The following ATG9B variants were observed in gnomAD, a reference collection of about 807,000 sequenced individuals.
The protein encoded by ATG9B is autophagy-related protein 9B.
A neutral mutation model predicts 92.9 loss-of-function variants in ATG9B; 92 were observed. The ratio of observed to expected loss-of-function variants is 0.99; its 90% CI spans 0.84 to 1.18. The LOEUF (loss-of-function observed/expected upper bound fraction) is 1.18. Ranked by LOEUF, ATG9B falls within the 50% of genes most tolerant of loss-of-function variation. The probability of loss-of-function intolerance (pLI) is 0.00; values close to 1 mark genes in which losing one functional copy is unlikely to be tolerated. For synonymous variants in ATG9B, 599 were observed against 551.4 expected (o/e 1.09, Z -1.21); for missense variants, 1,344 against 1,235.0 (o/e 1.09, Z -1.32).
rs1167535525 is a variant in ATG9B at position 151,023,490 on chromosome 7, C to T, written c.614G>A (p.Arg205Gln). ...FFTKIYSYHQ[R>Q]NGFACILLED... is the part of the protein sequence containing the mutation. Reference sequence around the variant, plus strand: ...CAGCAAGATGCAGGCAAAGCCATTCCGCTGGTGGTAGCTGTAGATGTGGCT... The same window carrying T: ...CAGCAAGATGCAGGCAAAGCCATTCTGCTGGTGGTAGCTGTAGATGTGGCT... Residue 205 changes from arginine to glutamine, a missense_variant, in exon 3 of 14, where the codon CGG becomes CAG. Coordinates refer to ENST00000639579, the MANE Select transcript of ATG9B (RefSeq NM_001317056.2). The T allele has an allele frequency of 5.6e-6, 9 of 1,612,758 alleles. No individual in the cohort carries two copies. Among genetic ancestry groups the T allele is most frequent in the African/African-American group, 2.7e-5 (2 of 74,996 alleles).
At chr7:151,022,936 A>G in intron 4 of ATG9B, 109 bp downstream of exon 4, 1 of 1,457,222 alleles carries the variant, frequency 6.9e-7, no homozygotes, top group Non-Finnish European at 9.4e-7. Flanking sequence ...CTAAGACCAA[A>G]AGCTTTGAGA....
downstream of ATG9B, chr7:151,014,003 G>T: frequency 1.2e-6 from 2 of 1,611,842 alleles, no homozygotes. Context: ...GCTCTTTTCC[G>T]ACAGGATCAG....
chr7:151,024,221 G>A lies in ATG9B; in HGVS notation c.203C>T (p.Pro68Leu), dbSNP rs1795868859. 6.7e-7 allele frequency: 1 copy of A among 1,486,036 alleles called. No homozygotes were observed. The highest frequency in any genetic ancestry group is 9.0e-7 in the Non-Finnish European group (1 of 1,116,170). 92.1% of individuals were successfully genotyped at this position (1,486,036 alleles called of 1,614,324 possible). A position where few individuals can be genotyped will look rare whatever the true frequency, so the allele number is the denominator to read the frequency against. Residue 68 changes from proline to leucine, a missense_variant, in exon 1 of 14, where the codon CCT becomes CTT. By Grantham distance (98) the Pro-to-Leu change is moderately conservative (BLOSUM62 -3). Transcript: ENST00000639579. ...HTRSSPSSFS[P>L]PTAGPPCSVL... is the part of the protein sequence containing the mutation. ...TGAGCAAGGGGGCCCTGCGGTGGGAGGGGAAAATGAGGAGGGGGAGCTTCT... is the reference window on the plus strand; with the variant it reads ...TGAGCAAGGGGGCCCTGCGGTGGGAAGGGAAAATGAGGAGGGGGAGCTTCT...
At chr7:151,019,680 G>A (rs1210828410) in intron 5 of ATG9B, among the ~76,000 whole-genome samples, 1 of 152,150 alleles carries the variant, frequency 6.6e-6, no homozygotes, top group Non-Finnish European at 1.5e-5. Context: ...GCTGGACCTG[G>A]CTTCTCAGCT....
At chr7:151,022,845 A>G (rs902968590) in intron 4 of ATG9B, among the ~76,000 whole-genome samples, 200 bp downstream of exon 4, 9 of 152,172 alleles carry the variant, frequency 5.9e-5, no homozygotes. Context: ...TTAAAAAAAA[A>G]AAAAGATATA....
chr7:151,018,064 G>A lies in ATG9B; in HGVS notation c.1873-14C>T, dbSNP rs1311363120. On this transcript the variant is annotated splice_polypyrimidine_tract_variant and intron_variant, in intron 7 of 13. Coordinates refer to ENST00000639579, the MANE Select transcript of ATG9B (RefSeq NM_001317056.2). This position sits in a 1 kb window ranked among gnomAD's most constrained non-coding sequence, Gnocchi z 4.7. ...CAGGAGGGAGACCTGGGGAAGCAGC[G>A]GTGAGGCTGAGCAGGGGTCGCTGAG... The A allele has an allele frequency of 1.9e-6, 3 of 1,565,944 alleles. No individual in the cohort carries two copies. Among genetic ancestry groups the A allele is most frequent in the East Asian group, 2.3e-5 (1 of 42,758 alleles).
At chr7:151,017,603 C>G (rs147611122) in intron 8 of ATG9B, among the ~76,000 whole-genome samples, 10 of 152,298 alleles carry the variant, frequency 6.6e-5, no homozygotes, top group African/African-American at 2.4e-4. Flanking sequence ...CTCCCATTTA[C>G]TGACGTTACT....
chr7:151,016,337 G>A, intron 11 of ATG9B, 94 bp downstream of exon 11: 1 of 1,505,556 alleles, frequency 6.6e-7, no homozygotes, highest in East Asian at 2.5e-5. Flanking sequence ...CTGCCACTCT[G>A]CTAGACCCTT....
intron 12 of ATG9B, 42 bp from the exon 13 acceptor site, chr7:151,016,065 A>G: frequency 6.5e-7 from 1 of 1,548,308 alleles, no homozygotes; most frequent in East Asian, 2.4e-5. Flanking sequence ...CATGATGCCC[A>G]GTGTCCACCA....
At position 151,019,377 on chromosome 7, in the gene ATG9B, G is replaced by A. The variant is rs756097184; in HGVS notation, c.964-3C>T. 5 of 1,515,412 alleles carry A rather than the reference G, an allele frequency of 3.3e-6. No homozygotes were observed. The East Asian group carries it at 1.1e-4, about 35-fold the overall frequency. 93.9% of individuals were successfully genotyped at this position (1,515,412 alleles called of 1,614,324 possible). A position where few individuals can be genotyped will look rare whatever the true frequency, so the allele number is the denominator to read the frequency against. ...CAGGGAACCGAGCTCAGCTCCTCCT[G>A]AAAGGGGCACTGATGAGAGCCAGCG... On this transcript the variant is annotated splice_polypyrimidine_tract_variant and splice_region_variant and intron_variant, in intron 5 of 13. Coordinates refer to ENST00000639579, the MANE Select transcript of ATG9B (RefSeq NM_001317056.2).
At chr7:151,013,461 C>T (rs1229035456), downstream of ATG9B, 1 of 1,497,548 alleles carries the variant, frequency 6.7e-7, no homozygotes, top group Non-Finnish European at 9.0e-7. Flanking sequence ...GGCACACCAA[C>T]CACGGCCCTC....
rs769718180 is a variant in ATG9B, at chr7:151,019,207, C to G, written c.1131G>C (p.Leu377=). ...CCCAGGGCAGCGGGCAGCGGGCCGG[C>G]AGCAGGCCTTTGTTGGCCAGCGCCA... The part of the protein sequence containing the change: ...YQVALANKGL[L]PARCPLPWGG... Residue 377 remains leucine (L), a synonymous_variant, in exon 6 of 14, where the codon CTG becomes CTC. Transcript: ENST00000639579. 2.1e-4 allele frequency: 331 copies of G among 1,539,748 alleles called. No individual in the cohort carries two copies. The highest frequency in any genetic ancestry group is 2.8e-4 in the Non-Finnish European group (326 of 1,147,816).
chr7:151,013,282 T>C, downstream of ATG9B: 2 of 1,614,030 alleles, frequency 1.2e-6, no homozygotes, highest in Non-Finnish European at 1.7e-6. Context: ...TGCTCCCAAC[T>C]TGACCATCTC....
chr7:151,013,864 G>A (rs549731181), downstream of ATG9B: 7 of 1,603,160 alleles, frequency 4.4e-6, no homozygotes, highest in Admixed American at 1.7e-5. Context: ...GCATCCTGGC[G>A]ACGGAGGGCG....
At chr7:151,021,787 C>G (rs1394229065) in intron 4 of ATG9B, among the ~76,000 whole-genome samples, 1 of 151,710 alleles carries the variant, frequency 6.6e-6, no homozygotes, top group Non-Finnish European at 1.5e-5. Flanking sequence ...GTAGCTGGGA[C>G]TACAGGCGCC....
chr7:151,016,143 C>G lies in ATG9B; in HGVS notation c.2613G>C (p.Ser871=). The G allele has an allele frequency of 6.5e-7, 1 of 1,540,518 alleles. No homozygotes were observed. Among genetic ancestry groups the G allele is most frequent in the Non-Finnish European group, 8.8e-7 (1 of 1,140,482 alleles). ...ACCAGGATGGCTTCTCCTCATCAGG[C>G]GAGGGTGGCTGTGAGGGGCTGGAGC... The part of the protein sequence containing the change: ...RPCSSPSQPP[S]PDEEKPSWSS... The change falls in exon 12 of 14, where the codon TCG becomes TCC. Residue 871 remains serine, a synonymous_variant. Coordinates refer to ENST00000639579, the MANE Select transcript of ATG9B (RefSeq NM_001317056.2).
Position 151,016,777 on chromosome 7 carries a change from A to T in ATG9B, c.2334T>A (p.Pro778=). Residue 778 remains proline (P), a synonymous_variant, in exon 10 of 14, where the codon CCT becomes CCA. Coordinates refer to ENST00000639579, the MANE Select transcript of ATG9B (RefSeq NM_001317056.2). ...GGGCTGTCGGGCTCAGATCTCTCGG[A>T]GGCAGGAGAGGGTGCACGAAGAGGT... ...LANLFVHPLL[P]PRDLSPTAPC... The T allele has an allele frequency of 6.2e-7, 1 of 1,612,606 alleles. No homozygotes were observed. Among genetic ancestry groups the T allele is most frequent in the Non-Finnish European group, 8.5e-7 (1 of 1,179,550 alleles).
Position 151,023,112 on chromosome 7 carries a change from G to A in ATG9B, c.754C>T (p.Pro252Ser). The part of the protein sequence containing the change: ...FANQPSNHTR[P>S]GPFHSKVTLS... ...GTCACTTTGCTGTGGAACGGCCCAG[G>A]TCTGGTATGGTTACTTGGTTGGTTG... The change falls in exon 4 of 14, where the codon CCT (proline) becomes TCT (serine). Residue 252 changes from proline to serine, a missense_variant. By Grantham distance (74) the Pro-to-Ser change is moderately conservative. Coordinates refer to ENST00000639579, the MANE Select transcript of ATG9B (RefSeq NM_001317056.2). 1.2e-6 allele frequency: 2 copies of A among 1,614,170 alleles called. No individual in the cohort carries two copies. Among genetic ancestry groups the A allele is most frequent in the Non-Finnish European group, 1.7e-6 (2 of 1,180,032 alleles).
Position 151,019,260 on chromosome 7 carries a change from G to A in ATG9B, c.1078C>T (p.Arg360Cys). Reference protein sequence around the residue: ...RPLTELDIHHRILRYTNYQVA... With the variant: ...RPLTELDIHHCILRYTNYQVA... ...TGGTAGTTGGTGTAGCGCAGGATGC[G>A]GTGGTGGATGTCCAGCTCCGTCAGG... Residue 360 changes from arginine to cysteine, a missense_variant, in exon 6 of 14, where the codon CGC becomes TGC. Coordinates refer to ENST00000639579, the MANE Select transcript of ATG9B (RefSeq NM_001317056.2). 2 of 1,576,710 alleles carry A rather than the reference G, an allele frequency of 1.3e-6. No individual in the cohort carries two copies. The highest frequency in any genetic ancestry group is 1.1e-5 in the South Asian group (1 of 88,104).
Sources: gnomAD v4.1 joint callset for allele counts (sites outside exome capture counted in the v4.1 genomes callset) on GRCh38, gnomAD v4.1.1 for gene constraint, Gnocchi (gnomAD v3.1) non-coding constraint, MANE v1.5 for transcripts, NCBI Gene and HGNC (gene_info 2026-07-23, HGNC 2026-07-21) for gene names.